The following GNAQ variants were observed in gnomAD, a reference collection of about 807,000 sequenced individuals.
GNAQ encodes the protein guanine nucleotide-binding protein G(q) subunit alpha.
In GNAQ, 8 loss-of-function variants were observed where a neutral mutation model predicts 43.9. That is an observed-to-expected ratio of 0.18 (90% confidence interval 0.11 to 0.33). GNAQ has a LOEUF of 0.33. GNAQ is among the 10% of genes least tolerant of loss of function. GNAQ has a pLI of 1.00. For synonymous variants in GNAQ, 155 were observed against 170.7 expected (o/e 0.91, Z 0.71); for missense variants, 158 against 450.8 (o/e 0.35, Z 5.88).
In GNAQ at chr9:78,013,017, G is replaced by GT. The variant is rs1286521699; in HGVS notation, c.136+18082dup. 8.5e-5 allele frequency among the ~76,000 whole-genome samples: 13 copies of GT among 152,164 alleles called. 1 individual carries two copies. Among genetic ancestry groups the GT allele is most frequent in the Admixed American group, 7.9e-4 (12 of 15,276 alleles). ...ACAAAAGACAGTGAAGAAAGGGGGCGTAAGTGGAAAGAAGAGTAAACTACT... is the reference window on the plus strand; with the variant it reads ...ACAAAAGACAGTGAAGAAAGGGGGCGTTAAGTGGAAAGAAGAGTAAACTACT... On this transcript the variant is annotated intron_variant, in intron 1 of 6. Transcript: ENST00000286548.
intron 2 of GNAQ, among the ~76,000 whole-genome samples, chr9:77,903,752 C>CAT (rs1268522332): frequency 4.6e-5 from 7 of 151,916 alleles, no homozygotes; most frequent in East Asian, 1.9e-4. Flanking sequence ...CACACACACA[C>CAT]ATATATATAC....
intron 2 of GNAQ, among the ~76,000 whole-genome samples, chr9:77,886,212 C>G (rs2118087959): frequency 6.6e-6 from 1 of 152,300 alleles, no homozygotes; most frequent in East Asian, 1.9e-4. Context: ...GGTGATCCAC[C>G]AGCCTCAGCC....
intron 2 of GNAQ, among the ~76,000 whole-genome samples, chr9:77,914,411 C>G (rs1828861383): frequency 6.6e-6 from 1 of 152,180 alleles, no homozygotes; most frequent in African/African-American, 2.4e-5. Context: ...GTAATCCCAG[C>G]ACTTTGGGAG....
At chr9:77,725,766 T>G (rs1825388327) in intron 6 of GNAQ, among the ~76,000 whole-genome samples, 1 of 151,984 alleles carries the variant, frequency 6.6e-6, no homozygotes, top group Non-Finnish European at 1.5e-5. Flanking sequence ...GATCACAAAC[T>G]AAGTCTTTTA....
intron 2 of GNAQ, among the ~76,000 whole-genome samples, chr9:77,822,146 T>C (rs189087949): frequency 3.3e-5 from 5 of 152,260 alleles, no homozygotes; most frequent in East Asian, 1.9e-4. Context: ...GAGCCTAGCA[T>C]TGGGGATATT....
At chr9:77,735,384 C>G (rs1439262401) in intron 5 of GNAQ, among the ~76,000 whole-genome samples, 2 of 152,154 alleles carry the variant, frequency 1.3e-5, no homozygotes, top group Admixed American at 6.5e-5. Flanking sequence ...TTGTAGCTTA[C>G]CAAATGTTGA....
chr9:77,854,284 T>TGATC (rs1472439399), intron 2 of GNAQ, among the ~76,000 whole-genome samples: 7 of 152,196 alleles, frequency 4.6e-5, no homozygotes, highest in African/African-American at 1.7e-4. Flanking sequence ...AAATAAGAAT[T>TGATC]GATCAACTTT....
intron 5 of GNAQ, among the ~76,000 whole-genome samples, chr9:77,773,010 C>T (rs760828597): frequency 3.9e-5 from 6 of 152,348 alleles, no homozygotes; most frequent in Non-Finnish European, 8.8e-5. Flanking sequence ...TCCTGGGCCA[C>T]GTGAGGCCCA....
chr9:77,731,461 A>G (rs1464452849), intron 5 of GNAQ, among the ~76,000 whole-genome samples: 3 of 152,050 alleles, frequency 2.0e-5, no homozygotes, highest in Non-Finnish European at 2.9e-5. Context: ...TCAAGGACAT[A>G]CCTCCATTCA....
chr9:78,015,588 T>C (rs1039447947), intron 1 of GNAQ, among the ~76,000 whole-genome samples: 18 of 152,144 alleles, frequency 1.2e-4, no homozygotes, highest in African/African-American at 4.1e-4. Flanking sequence ...AACACACATA[T>C]GCATTTTATG....
intron 2 of GNAQ, among the ~76,000 whole-genome samples, chr9:77,900,779 C>T (rs895930196): frequency 2.0e-5 from 3 of 152,108 alleles, no homozygotes; most frequent in Non-Finnish European, 4.4e-5. Flanking sequence ...GGCAGAAGAC[C>T]GTACCAGTTC....
intron 2 of GNAQ, among the ~76,000 whole-genome samples, chr9:77,843,847 C>T (rs17786782): frequency 0.05 from 7,670 of 152,186 alleles, 277 homozygotes; most frequent in South Asian, 0.089. Flanking sequence ...ACCTAAAGCC[C>T]ATTTGCAGTT....
chr9:77,828,093 A>AAAAAAAAG (rs1827233806), intron 2 of GNAQ, among the ~76,000 whole-genome samples: 1 of 144,368 alleles, frequency 6.9e-6, no homozygotes, highest in East Asian at 2.0e-4. Flanking sequence ...AAAAAAAAAA[A>AAAAAAAAG]GAAGGGGCAG....
chr9:77,882,768 A>AT lies in GNAQ; in HGVS notation c.321+39392dup, dbSNP rs368067630. ...CTATCAGGAAATGACACTTGATGGG[A>AT]TTTTTTTTTTCGTTTTCACTTGTCT... On this transcript the variant is annotated intron_variant, in intron 2 of 6. Coordinates refer to ENST00000286548, the MANE Select transcript of GNAQ (RefSeq NM_002072.5). Among the ~76,000 whole-genome samples the AT allele has an allele frequency of 7.4e-3, 1,116 of 150,636 alleles. 14 individuals are homozygous for AT. Among genetic ancestry groups the AT allele is most frequent in the South Asian group, 0.029 (139 of 4,758 alleles).
At chr9:78,012,195 T>A (rs577412449) in intron 1 of GNAQ, among the ~76,000 whole-genome samples, 3 of 151,578 alleles carry the variant, frequency 2.0e-5, no homozygotes, top group African/African-American at 7.3e-5. Context: ...TCTATACCCA[T>A]GCAAGTTGTT....
intron 1 of GNAQ, among the ~76,000 whole-genome samples, chr9:78,021,631 G>C (rs774765727): frequency 7.9e-5 from 12 of 152,142 alleles, no homozygotes; most frequent in Non-Finnish European, 1.5e-4. Context: ...CCCCCTAGAT[G>C]TGCCCTGCTG....
At chr9:77,987,580 A>G (rs1021030135) in intron 1 of GNAQ, among the ~76,000 whole-genome samples, 1 of 152,190 alleles carries the variant, frequency 6.6e-6, no homozygotes, top group Non-Finnish European at 1.5e-5. Context: ...GTTCTAATCT[A>G]TACATGAGTC....
At chr9:78,003,176 A>G (rs1380393416) in intron 1 of GNAQ, among the ~76,000 whole-genome samples, 1 of 152,186 alleles carries the variant, frequency 6.6e-6, no homozygotes. Flanking sequence ...AAATCCATCC[A>G]AATATAAAGG....
chr9:77,784,382 G>A (rs564791262), intron 5 of GNAQ, among the ~76,000 whole-genome samples: 38 of 152,090 alleles, frequency 2.5e-4, no homozygotes, highest in African/African-American at 9.2e-4. Flanking sequence ...ACATAAACGG[G>A]TTATTCCTAC....
Sources: allele counts gnomAD v4.1 joint callset (sites outside exome capture counted in the v4.1 genomes callset), GRCh38; gene constraint gnomAD v4.1.1; transcripts MANE v1.5; gene names NCBI Gene and HGNC (gene_info 2026-07-23, HGNC 2026-07-21).